The following ARFGEF2 variants were observed in gnomAD, a reference collection of about 807,000 sequenced individuals.
The protein encoded by ARFGEF2 is ARF guanine nucleotide exchange factor 2.
A neutral mutation model predicts 219.9 loss-of-function variants in ARFGEF2; 74 were observed. That is an observed-to-expected ratio of 0.34 (90% CI 0.28 to 0.41). The LOEUF (loss-of-function observed/expected upper bound fraction) is 0.41. Among genes scored for constraint, ARFGEF2 ranks in the 10% least tolerant of loss-of-function variants. The probability of loss-of-function intolerance (pLI) is 1.00; values close to 1 mark genes in which losing one functional copy is unlikely to be tolerated. For missense variants in ARFGEF2, 1,743 were observed against 2,218.3 expected (o/e 0.79, Z 4.30); for synonymous variants, 733 against 799.2 (o/e 0.92, Z 1.40).
chr20:48,973,493 G>A (rs1003498754), intron 12 of ARFGEF2, among the ~76,000 whole-genome samples: 3 of 152,120 alleles, frequency 2.0e-5, no homozygotes, highest in African/African-American at 2.4e-5. Flanking sequence ...AAGCAGGGAC[G>A]GCAGAGAGGA....
intron 14 of ARFGEF2, among the ~76,000 whole-genome samples, chr20:48,976,604 C>G (rs1010557566): frequency 4.6e-5 from 7 of 152,090 alleles, no homozygotes; most frequent in Non-Finnish European, 8.8e-5. Flanking sequence ...GTCAGGAGAT[C>G]AAGACCATCC....
Position 49,036,169 on chromosome 20 carries a change from T to C in ARFGEF2, c.*2970T>C. The C allele has an allele frequency of 2.5e-6, 1 of 398,362 alleles. No homozygotes were observed. Among genetic ancestry groups the C allele is most frequent in the Non-Finnish European group, 4.4e-6 (1 of 225,922 alleles). The allele number at this position is 398,362 out of a possible 1,614,324, so 24.7% of individuals were successfully genotyped here. On this transcript the variant is annotated 3_prime_UTR_variant, in exon 39 of 39. Coordinates refer to ENST00000371917, the MANE Select transcript of ARFGEF2 (RefSeq NM_006420.3). ...TCAATAGAAGCTGGATCCTTAATAC[T>C]GCATTTTCTGAATTCTGTTTTAATA...
chr20:48,978,225 TA>T (rs1402483933), intron 14 of ARFGEF2, among the ~76,000 whole-genome samples: 2 of 152,252 alleles, frequency 1.3e-5, no homozygotes, highest in Non-Finnish European at 2.9e-5. Flanking sequence ...CACCATTTAT[TA>T]AATAGGAAAT....
At chr20:48,990,618 C>G (rs2091352311) in intron 20 of ARFGEF2, among the ~76,000 whole-genome samples, 2 of 152,340 alleles carry the variant, frequency 1.3e-5, no homozygotes, top group Non-Finnish European at 2.9e-5. Flanking sequence ...AGACCCCACT[C>G]TGCCACCTCT....
intron 1 of ARFGEF2, among the ~76,000 whole-genome samples, chr20:48,924,948 A>G (rs1568684215): frequency 6.6e-6 from 1 of 152,102 alleles, no homozygotes; most frequent in Non-Finnish European, 1.5e-5. Context: ...CTTTTTTATT[A>G]TTATTATTTT....
chr20:48,963,747 T>C, intron 6 of ARFGEF2, 83 bp from the exon 7 acceptor site: 1 of 1,362,326 alleles, frequency 7.3e-7, no homozygotes. Context: ...GAAATGTAAC[T>C]CCCCATAATC....
In ARFGEF2 at chr20:48,941,879, A is replaced by G. The variant is rs140568421; in HGVS notation, c.168A>G (p.Ala56=). ...EIEKQRLGTA[A]PPKANFIEAD... ...TTTCTCCTAGGCTTGGCACTGCTGCACCACCAAAGGCAAACTTCATTGAAG... is the reference window on the plus strand; with the variant it reads ...TTTCTCCTAGGCTTGGCACTGCTGCGCCACCAAAGGCAAACTTCATTGAAG... Residue 56 remains alanine, a synonymous_variant, in exon 3 of 39, where the codon GCA becomes GCG. Coordinates refer to ENST00000371917, the MANE Select transcript of ARFGEF2 (RefSeq NM_006420.3). 1.9e-6 allele frequency: 3 copies of G among 1,614,212 alleles called. No homozygotes were observed. Among genetic ancestry groups the G allele is most frequent in the Non-Finnish European group, 2.5e-6 (3 of 1,180,032 alleles).
intron 25 of ARFGEF2, among the ~76,000 whole-genome samples, chr20:49,003,050 C>T (rs2091435038): frequency 6.6e-6 from 1 of 150,690 alleles, no homozygotes; most frequent in Non-Finnish European, 1.5e-5. Context: ...TCACTACAAC[C>T]TCTACCTCCC....
rs1207555672 is a variant in ARFGEF2 at position 48,950,809 on chromosome 20, AAAATATATATATATATATAT to A, written c.277-512_277-493del. ...AGACCCTGTCTAAAAAAAAAAAAAAAAAATATATATATATATATATATATATATATATATATATGTATGTA... is the reference window on the plus strand; with the variant it reads ...AGACCCTGTCTAAAAAAAAAAAAAAAATATATATATATATATATGTATGTA... On this transcript the variant is annotated intron_variant, in intron 3 of 38. Coordinates refer to ENST00000371917, the MANE Select transcript of ARFGEF2 (RefSeq NM_006420.3). Among the ~76,000 whole-genome samples the A allele has an allele frequency of 1.2e-3, 51 of 41,152 alleles. No homozygotes were observed. In the East Asian group the frequency reaches 0.017, roughly 13 times the overall value. The allele number at this position is 41,152 out of a possible 152,430, so 27.0% of individuals were successfully genotyped here. A position where few individuals can be genotyped will look rare whatever the true frequency, so the allele number is the denominator to read the frequency against.
At chr20:48,961,083 T>TATAATAATAATAATAATAATAATAATA (rs371551603) in intron 6 of ARFGEF2, among the ~76,000 whole-genome samples, 25 of 144,008 alleles carry the variant, frequency 1.7e-4, no homozygotes, top group East Asian at 4.2e-4. Context: ...TGTCTCAAAA[T>TATAATAATAATAATAATAATAATAATA]ATAATAATAA....
chr20:48,969,428 A>G, intron 9 of ARFGEF2, 151 bp downstream of exon 9: 19 of 1,421,410 alleles, frequency 1.3e-5, no homozygotes, highest in Non-Finnish European at 1.8e-5. Context: ...TTTCAGACTC[A>G]TGCAGTCTCT....
intron 14 of ARFGEF2, among the ~76,000 whole-genome samples, chr20:48,980,890 TG>T (rs1301653117): frequency 1.3e-5 from 2 of 152,232 alleles, no homozygotes; most frequent in Non-Finnish European, 2.9e-5. Context: ...GCACGTGAGA[TG>T]GGTCTCCTGA....
rs1323063259 is a variant in ARFGEF2, at chr20:48,967,364, TATTCC to T, written c.1059+1343_1059+1347del. On this transcript the variant is annotated intron_variant, in intron 8 of 38. Transcript: ENST00000371917. The stretch of plus-strand genomic sequence containing the variant: ...CCAATTCCCTATTGGGTTTTTAGAT[TATTCC>T]AGTTTTATCATAGGAAATGGTTCTA... Among the ~76,000 whole-genome samples the T allele has an allele frequency of 2.0e-5, 3 of 152,378 alleles. No individual in the cohort carries two copies. In the East Asian group the frequency reaches 5.8e-4, roughly 29 times the overall value.
At position 49,036,308 on chromosome 20, in the gene ARFGEF2, A is replaced by G. The variant is rs1161510255; in HGVS notation, c.*3109A>G. Reference sequence around the variant, plus strand: ...AAGCTGAGTGTTTTAAAGAATGAACATATCTGGAAATCCTTGCTCTCAAAA... The same window carrying G: ...AAGCTGAGTGTTTTAAAGAATGAACGTATCTGGAAATCCTTGCTCTCAAAA... On this transcript the variant is annotated 3_prime_UTR_variant, in exon 39 of 39. Transcript: ENST00000371917. The G allele has an allele frequency of 2.8e-5, 11 of 398,222 alleles. No homozygotes were observed. The highest frequency in any genetic ancestry group is 4.4e-5 in the Non-Finnish European group (10 of 225,940). The allele number at this position is 398,222 out of a possible 1,614,324, so 24.7% of individuals were successfully genotyped here.
At chr20:49,031,124 A>G (rs576142816) in intron 37 of ARFGEF2, among the ~76,000 whole-genome samples, 1 of 151,140 alleles carries the variant, frequency 6.6e-6, no homozygotes, top group South Asian at 2.1e-4. Context: ...ACAGACATTG[A>G]TTGAGTTCAG....
chr20:49,004,495 A>G (rs528351886), intron 25 of ARFGEF2, among the ~76,000 whole-genome samples: 1 of 149,304 alleles, frequency 6.7e-6, no homozygotes, highest in South Asian at 2.1e-4. Context: ...ATAGCAAAAG[A>G]AAAAAAAAAG....
At chr20:48,971,448 C>G in intron 10 of ARFGEF2, 94 bp downstream of exon 10, 2 of 1,036,240 alleles carry the variant, frequency 1.9e-6, no homozygotes, top group African/African-American at 1.6e-5. Flanking sequence ...TAATATTACA[C>G]TAAGCATTAG....
chr20:48,935,380 G>C (rs1223801853), intron 1 of ARFGEF2, among the ~76,000 whole-genome samples: 1 of 152,104 alleles, frequency 6.6e-6, no homozygotes, highest in Non-Finnish European at 1.5e-5. Flanking sequence ...AGTGGATACA[G>C]CACATGTTTC....
chr20:49,035,790 G>T lies in ARFGEF2; in HGVS notation c.*2591G>T. ...TTGAGCAATTTTGTTTCTCTTCATTGTCTGTTAGGGAAATCACCAGCTTTG... is the reference window on the plus strand; with the variant it reads ...TTGAGCAATTTTGTTTCTCTTCATTTTCTGTTAGGGAAATCACCAGCTTTG... On this transcript the variant is annotated 3_prime_UTR_variant, in exon 39 of 39. Coordinates refer to ENST00000371917, the MANE Select transcript of ARFGEF2 (RefSeq NM_006420.3). 2 of 165,182 alleles carry T rather than the reference G, an allele frequency of 1.2e-5. No homozygotes were observed. The allele number at this position is 165,182 out of a possible 1,614,324, so 10.2% of individuals were successfully genotyped here. A position where few individuals can be genotyped will look rare whatever the true frequency, so the allele number is the denominator to read the frequency against.
Sources: gnomAD v4.1 joint callset for allele counts (sites outside exome capture counted in the v4.1 genomes callset) on GRCh38, gnomAD v4.1.1 for gene constraint, MANE v1.5 for transcripts, NCBI Gene and HGNC (gene_info 2026-07-23, HGNC 2026-07-21) for gene names.